The following DRC8 variants were observed in gnomAD, a reference collection of about 807,000 sequenced individuals.
DRC8 encodes dynein regulatory complex protein 8.
chr1:245,070,274 A>T, the DRC8 span, among the ~76,000 whole-genome samples: 1 of 152,220 alleles, frequency 6.6e-6, no homozygotes. Flanking sequence ...ATATTTAATT[A>T]TATGGCAATG....
At chr1:244,980,040 T>TAAAAAAAAAAAAAA in the DRC8 span, among the ~76,000 whole-genome samples, 217 of 34,698 alleles carry the variant, frequency 6.3e-3, 28 homozygotes, top group African/African-American at 0.015. Flanking sequence ...CCGTCTCTAC[T>TAAAAAAAAAAAAAA]AAAAAAAAAA....
the DRC8 span, chr1:245,122,193 G>A: frequency 9.6e-5 from 21 of 218,188 alleles, no homozygotes; most frequent in Admixed American, 3.3e-4. Context: ...ATGAGCCACC[G>A]CACCCGGCTG....
chr1:245,005,057 C>T, the DRC8 span, among the ~76,000 whole-genome samples: 1 of 151,962 alleles, frequency 6.6e-6, no homozygotes, highest in East Asian at 1.9e-4. Context: ...TGCTCCTCTT[C>T]GTTCTATTAA....
the DRC8 span, among the ~76,000 whole-genome samples, chr1:245,066,836 G>A: frequency 6.6e-6 from 1 of 152,060 alleles, no homozygotes; most frequent in Non-Finnish European, 1.5e-5. Context: ...GAACCCGGGA[G>A]GCGGAGCTTG....
At chr1:245,028,287 C>G in the DRC8 span, among the ~76,000 whole-genome samples, 1 of 152,106 alleles carries the variant, frequency 6.6e-6, no homozygotes, top group African/African-American at 2.4e-5. Context: ...AAGAAGTGTT[C>G]CAATGTGTAA....
the DRC8 span, among the ~76,000 whole-genome samples, chr1:244,989,352 G>T: frequency 6.6e-6 from 1 of 152,118 alleles, no homozygotes; most frequent in Non-Finnish European, 1.5e-5. Context: ...TAGTTGCTAT[G>T]GCTCCTTCGG....
chr1:244,970,799 G>A, the DRC8 span: 1 of 367,720 alleles, frequency 2.7e-6, no homozygotes, highest in Non-Finnish European at 4.9e-6. Flanking sequence ...CTCCCTCGGA[G>A]GCCGGGCCTT....
chr1:244,996,183 A>G, the DRC8 span, among the ~76,000 whole-genome samples: 1 of 152,188 alleles, frequency 6.6e-6, no homozygotes, highest in Admixed American at 6.5e-5. Flanking sequence ...TTGGTTGGGC[A>G]GAGACTCTGC....
chr1:244,980,346 A>G, the DRC8 span, among the ~76,000 whole-genome samples: 1 of 152,146 alleles, frequency 6.6e-6, no homozygotes, highest in Non-Finnish European at 1.5e-5. Context: ...TGACAGAATG[A>G]GACTCTGTCT....
the DRC8 span, among the ~76,000 whole-genome samples, chr1:245,074,329 A>G: frequency 1.3e-5 from 2 of 152,198 alleles, no homozygotes; most frequent in African/African-American, 4.8e-5. Flanking sequence ...TTGCTGCAAC[A>G]CTTGCTGCAA....
At chr1:245,017,333 A>C in the DRC8 span, 10 of 1,574,322 alleles carry the variant, frequency 6.4e-6, no homozygotes, top group Non-Finnish European at 8.6e-6. Flanking sequence ...TGAGGTGTGG[A>C]AATATTTTTT....
the DRC8 span, among the ~76,000 whole-genome samples, chr1:245,115,345 G>T: frequency 6.6e-6 from 1 of 152,210 alleles, no homozygotes; most frequent in African/African-American, 2.4e-5. Context: ...ACCCTGCCTG[G>T]CTTTAAGTTA....
At chr1:245,008,093 G>A in the DRC8 span, among the ~76,000 whole-genome samples, 1 of 152,090 alleles carries the variant, frequency 6.6e-6, no homozygotes, top group Non-Finnish European at 1.5e-5. Flanking sequence ...GGAGGATTGC[G>A]TGAGCCTGGG....
chr1:244,981,044 G>A, the DRC8 span, among the ~76,000 whole-genome samples: 2 of 152,128 alleles, frequency 1.3e-5, no homozygotes, highest in African/African-American at 4.8e-5. Flanking sequence ...TTAGCCAGGT[G>A]TGGTGGCAGG....
At chr1:245,018,303 T>C in the DRC8 span, among the ~76,000 whole-genome samples, 17 of 151,268 alleles carry the variant, frequency 1.1e-4, no homozygotes, top group Non-Finnish European at 1.8e-4. Context: ...TTTGATGAGA[T>C]TGCAATCTCA....
chr1:245,071,036 C>T, the DRC8 span, among the ~76,000 whole-genome samples: 1 of 152,208 alleles, frequency 6.6e-6, no homozygotes, highest in Non-Finnish European at 1.5e-5. Flanking sequence ...GCTGCTGGTA[C>T]CCTGATCTGG....
the DRC8 span, among the ~76,000 whole-genome samples, chr1:245,076,189 G>T: frequency 6.6e-6 from 1 of 152,158 alleles, no homozygotes; most frequent in Non-Finnish European, 1.5e-5. Context: ...AGTCTTTTAG[G>T]AAAAAGTGCC....
the DRC8 span, among the ~76,000 whole-genome samples, chr1:245,060,453 T>A: frequency 2.6e-4 from 40 of 152,258 alleles, no homozygotes; most frequent in Non-Finnish European, 4.0e-4. Context: ...GTAGCAATTT[T>A]TTGAAGCATT....
chr1:245,049,994 A>G, the DRC8 span, among the ~76,000 whole-genome samples: 1 of 152,256 alleles, frequency 6.6e-6, no homozygotes, highest in Non-Finnish European at 1.5e-5. The surrounding 1 kb of genome is among the most constrained non-coding windows in gnomAD (Gnocchi z 4.5). Flanking sequence ...ACCTTACACC[A>G]GAGTCTGGCA....
Sources: allele counts gnomAD v4.1 joint callset (sites outside exome capture counted in the v4.1 genomes callset), GRCh38; gene constraint gnomAD v4.1.1; non-coding constraint Gnocchi (gnomAD v3.1); transcripts MANE v1.5; gene names NCBI Gene and HGNC (gene_info 2026-07-23, HGNC 2026-07-21).